Variants in CADM2 observed in about 807,000 individuals in gnomAD.
CADM2 encodes the protein cell adhesion molecule 2.
A neutral mutation model predicts 49.8 loss-of-function variants in CADM2; 12 were observed. The observed-to-expected ratio is 0.24, with a 90% CI of 0.15 to 0.39. CADM2 has a LOEUF of 0.39. CADM2 is among the 10% of genes least tolerant of loss of function. The probability of loss-of-function intolerance (pLI) is 1.00; values close to 1 mark genes in which losing one functional copy is unlikely to be tolerated. For missense variants in CADM2, 378 were observed against 492.3 expected (o/e 0.77, Z 2.20); for synonymous variants, 214 against 175.4 (o/e 1.22, Z -1.74).
intron 2 of CADM2, among the ~76,000 whole-genome samples, chr3:85,764,278 GAT>G (rs1474595988): frequency 5.3e-5 from 8 of 152,000 alleles, no homozygotes; most frequent in Admixed American, 4.6e-4. Flanking sequence ...TCCATTTAAT[GAT>G]ATAGTTAAAA....
chr3:85,425,158 G>A (rs867134134), intron 1 of CADM2, among the ~76,000 whole-genome samples: 4 of 152,082 alleles, frequency 2.6e-5, no homozygotes, highest in Admixed American at 6.5e-5. Context: ...ACCTTTGCCC[G>A]TTTCCCCATC....
At chr3:85,618,236 G>C (rs2063855094) in intron 1 of CADM2, among the ~76,000 whole-genome samples, 1 of 151,990 alleles carries the variant, frequency 6.6e-6, no homozygotes, top group Admixed American at 6.6e-5. Flanking sequence ...GATATCCCGG[G>C]ATCAGAATTA....
chr3:85,091,450 C>T (rs960330299), intron 1 of CADM2, among the ~76,000 whole-genome samples: 14 of 151,686 alleles, frequency 9.2e-5, no homozygotes, highest in Non-Finnish European at 1.9e-4. Context: ...GGTAAGATAT[C>T]GTGTAGAAAA....
At chr3:85,024,376 G>A (rs73139691) in intron 1 of CADM2, among the ~76,000 whole-genome samples, 19,629 of 152,028 alleles carry the variant, frequency 0.13, 1,652 homozygotes, top group Admixed American at 0.27. Context: ...GCCAATTAAT[G>A]TAGGAGTCAG....
chr3:85,505,864 T>G (rs575359475), intron 1 of CADM2, among the ~76,000 whole-genome samples: 1 of 152,324 alleles, frequency 6.6e-6, no homozygotes, highest in South Asian at 2.1e-4. Flanking sequence ...ACATGTTTGG[T>G]ATTTTTGCTT....
At chr3:85,080,514 A>G (rs1310737192) in intron 1 of CADM2, among the ~76,000 whole-genome samples, 2 of 152,122 alleles carry the variant, frequency 1.3e-5, no homozygotes, top group African/African-American at 4.8e-5. Context: ...CATTAGCAAC[A>G]TTAAGCTCAG....
intron 2 of CADM2, among the ~76,000 whole-genome samples, chr3:85,754,792 T>C (rs897113577): frequency 6.6e-6 from 1 of 152,102 alleles, no homozygotes; most frequent in South Asian, 2.1e-4. Context: ...TCAATTTTTT[T>C]AAAAAGAAAC....
At chr3:85,163,047 T>A (rs2040374678) in intron 1 of CADM2, among the ~76,000 whole-genome samples, 1 of 152,036 alleles carries the variant, frequency 6.6e-6, no homozygotes, top group Non-Finnish European at 1.5e-5. Flanking sequence ...ACATGTAAAT[T>A]TGAAATAGTT....
At chr3:85,985,344 A>T (rs2108681977) in intron 8 of CADM2, among the ~76,000 whole-genome samples, 1 of 151,938 alleles carries the variant, frequency 6.6e-6, no homozygotes, top group East Asian at 1.9e-4. Flanking sequence ...CTCATGATTT[A>T]ATCACTTCCC....
chr3:85,201,141 G>A (rs1194030214), intron 1 of CADM2, among the ~76,000 whole-genome samples: 2 of 152,030 alleles, frequency 1.3e-5, no homozygotes, highest in African/African-American at 4.8e-5. Context: ...CAAACTTTAT[G>A]CATTTTTCTT....
At position 85,866,233 on chromosome 3, in the gene CADM2, T is replaced by G. The variant is rs530150552; in HGVS notation, c.239-17058T>G. On this transcript the variant is annotated intron_variant, in intron 3 of 9. Transcript: ENST00000383699. ...TAACATTTTACTAAGAAAGGTAAAA[T>G]AAGTGTAGGTGGCAAGAGATCAGCA... 2.2e-4 allele frequency among the ~76,000 whole-genome samples: 34 copies of G among 152,320 alleles called. No homozygotes were observed. In the South Asian group the frequency reaches 6.8e-3, roughly 31 times the overall value.
chr3:85,201,944 G>A (rs1210390734), intron 1 of CADM2, among the ~76,000 whole-genome samples: 17 of 151,898 alleles, frequency 1.1e-4, no homozygotes, highest in Non-Finnish European at 1.0e-4. Flanking sequence ...CGTTGGGCTT[G>A]TGGTATGTGC....
chr3:85,738,750 C>T lies in CADM2; in HGVS notation c.88+12202C>T, dbSNP rs971815616. ...TTTTCAGGAGATTTCTTAAAACAAA[C>T]AACCCACAGCATAGTAAGAGATATA... On this transcript the variant is annotated intron_variant, in intron 2 of 9. Coordinates refer to ENST00000383699, the MANE Select transcript of CADM2 (RefSeq NM_001167675.2). Among the ~76,000 whole-genome samples, 3 of 152,058 alleles carry T rather than the reference C, an allele frequency of 2.0e-5. No individual in the cohort carries two copies. The East Asian group carries it at 5.8e-4, about 29-fold the overall frequency.
At chr3:86,009,397 G>A (rs1312485468) in intron 8 of CADM2, among the ~76,000 whole-genome samples, 1 of 151,364 alleles carries the variant, frequency 6.6e-6, no homozygotes, top group African/African-American at 2.4e-5. Flanking sequence ...CTGTTTGGAA[G>A]GCTTTGGAAA....
chr3:85,027,555 T>C (rs2034792924), intron 1 of CADM2, among the ~76,000 whole-genome samples: 1 of 152,108 alleles, frequency 6.6e-6, no homozygotes, highest in African/African-American at 2.4e-5. Context: ...TATTTCATAG[T>C]ATATTTTATT....
At chr3:85,903,841 ATGTGCATAAGT>A (rs1350180182) in intron 5 of CADM2, among the ~76,000 whole-genome samples, 1 of 152,062 alleles carries the variant, frequency 6.6e-6, no homozygotes, top group Non-Finnish European at 1.5e-5. Context: ...CAATAATGCT[ATGTGCATAAGT>A]TGTTCTATAG....
intron 1 of CADM2, among the ~76,000 whole-genome samples, chr3:85,245,739 T>A (rs1341172849): frequency 6.6e-6 from 1 of 152,120 alleles, no homozygotes; most frequent in Admixed American, 6.5e-5. Flanking sequence ...TATAGAAAGA[T>A]TACTCTTTAT....
chr3:85,658,617 T>TATACAC lies in CADM2; in HGVS notation c.62-67904_62-67903insTACACA, dbSNP rs1553656741. ...ATATATATATATATATATATATATA[T>TATACAC]ACATGTATGCATATGTTTGTTTATG... On this transcript the variant is annotated intron_variant, in intron 1 of 9. Coordinates refer to ENST00000383699, the MANE Select transcript of CADM2 (RefSeq NM_001167675.2). 6.4e-5 allele frequency among the ~76,000 whole-genome samples: 8 copies of TATACAC among 125,088 alleles called. No homozygotes were observed. The East Asian group carries it at 9.7e-4, about 15-fold the overall frequency. 82.1% of individuals were successfully genotyped at this position (125,088 alleles called of 152,430 possible). A position where few individuals can be genotyped will look rare whatever the true frequency, so the allele number is the denominator to read the frequency against.
At chr3:85,140,496 C>G (rs2039545388) in intron 1 of CADM2, among the ~76,000 whole-genome samples, 1 of 152,154 alleles carries the variant, frequency 6.6e-6, no homozygotes, top group African/African-American at 2.4e-5. Flanking sequence ...TAAAACACAG[C>G]TAGATTCTCA....
Sources: gnomAD v4.1 joint callset for allele counts (sites outside exome capture counted in the v4.1 genomes callset) on GRCh38, gnomAD v4.1.1 for gene constraint, MANE v1.5 for transcripts, NCBI Gene and HGNC (gene_info 2026-07-23, HGNC 2026-07-21) for gene names.